The following EYA3 variants were observed in gnomAD, a reference collection of about 807,000 sequenced individuals.
The protein encoded by EYA3 is protein phosphatase EYA3.
Under a neutral mutation model 80.0 loss-of-function variants are expected in EYA3, and 39 were observed. That is an observed-to-expected ratio of 0.49 (90% confidence interval 0.38 to 0.64). The LOEUF is 0.64. Ranked by LOEUF, EYA3 falls within the 30% of genes least tolerant of loss-of-function variation. The pLI is 0.00. For missense variants in EYA3, 523 were observed against 676.1 expected (o/e 0.77, Z 2.51); for synonymous variants, 206 against 232.8 (o/e 0.88, Z 1.05).
At chr1:27,979,482 T>C (rs1639163632) in intron 16 of EYA3, among the ~76,000 whole-genome samples, 1 of 152,198 alleles carries the variant, frequency 6.6e-6, no homozygotes, top group Non-Finnish European at 1.5e-5. Flanking sequence ...TTAAATCCAT[T>C]TCTCAGAACT....
rs1453918950 is a variant in EYA3, at chr1:27,989,785, C to A, written c.1330G>T (p.Ala444Ser). The change falls in exon 15 of 18, where the codon GCA becomes TCA. Residue 444 changes from alanine (A) to serine (S), a missense_variant. By Grantham distance (99) the Ala-to-Ser change is moderately conservative (BLOSUM62 1). Coordinates refer to ENST00000373871, the MANE Select transcript of EYA3 (RefSeq NM_001990.4). ...ATTTCTGCTCTTAATCTCTGCAGTG[C>A]TTCCTTCCTCTGGGGACTGAGGAGA... is the stretch of plus-strand genomic sequence containing the variant. ...GGLLSPQRKE[A>S]LQRLRAEIEV... 2 of 1,610,588 alleles carry A rather than the reference C, an allele frequency of 1.2e-6. No individual in the cohort carries two copies. Among genetic ancestry groups the A allele is most frequent in the Non-Finnish European group, 1.7e-6 (2 of 1,177,996 alleles).
intron 8 of EYA3, among the ~76,000 whole-genome samples, chr1:28,016,532 T>TAA (rs11318124): frequency 1.8e-5 from 2 of 113,918 alleles, no homozygotes; most frequent in African/African-American, 3.4e-5. Flanking sequence ...GACTCCATCT[T>TAA]AAAAAAAAAA....
intron 1 of EYA3, among the ~76,000 whole-genome samples, chr1:28,062,673 T>C (rs1179386924): frequency 6.6e-6 from 1 of 151,482 alleles, no homozygotes; most frequent in Admixed American, 6.6e-5. Flanking sequence ...TGTGTGTGTG[T>C]GTGTGTGTGT....
intron 2 of EYA3, among the ~76,000 whole-genome samples, chr1:28,049,578 G>A (rs540214609): frequency 6.6e-6 from 1 of 152,126 alleles, no homozygotes; most frequent in Non-Finnish European, 1.5e-5. Context: ...ACTTCTATAT[G>A]ATAAAAGACA....
chr1:27,982,056 G>C (rs1639340950), intron 16 of EYA3, among the ~76,000 whole-genome samples: 1 of 149,508 alleles, frequency 6.7e-6, no homozygotes, highest in African/African-American at 2.5e-5. Flanking sequence ...GCCCAGACTG[G>C]AGTGCAGTGG....
chr1:28,086,216 G>A (rs1374591724), intron 1 of EYA3, among the ~76,000 whole-genome samples: 1 of 147,314 alleles, frequency 6.8e-6, no homozygotes, highest in African/African-American at 2.5e-5. Context: ...TGTTTAAGTT[G>A]TAATTTCTTT....
chr1:28,018,712 C>A (rs1390779425), intron 7 of EYA3, among the ~76,000 whole-genome samples: 1 of 152,212 alleles, frequency 6.6e-6, no homozygotes, highest in East Asian at 1.9e-4. Flanking sequence ...ATTGCTGCAA[C>A]CCCAGCTTTA....
At chr1:28,027,671 T>C in intron 7 of EYA3, 118 bp downstream of exon 7, 2 of 1,314,874 alleles carry the variant, frequency 1.5e-6, no homozygotes. Context: ...ACCCCCTTTC[T>C]ACTTTAGAAG....
Position 28,039,721 on chromosome 1 carries a change from G to A in EYA3, c.158-816C>T, listed in dbSNP as rs527650282. Among the ~76,000 whole-genome samples the A allele has an allele frequency of 7.2e-5, 11 of 152,310 alleles. No homozygotes were observed. In the South Asian group the frequency reaches 2.3e-3, roughly 32 times the overall value. ...AAGAGAACCTTGATCAAAAGTAGAT[G>A]AGGGGCCAACTCAAATGCTCAAGAG... On this transcript the variant is annotated intron_variant, in intron 4 of 17. Coordinates refer to ENST00000373871, the MANE Select transcript of EYA3 (RefSeq NM_001990.4).
chr1:28,026,433 T>C (rs1642790732), intron 7 of EYA3, among the ~76,000 whole-genome samples: 1 of 151,996 alleles, frequency 6.6e-6, no homozygotes, highest in Non-Finnish European at 1.5e-5. Flanking sequence ...CTGGGCAATA[T>C]AGTGAGATCC....
At chr1:28,017,321 G>A in intron 7 of EYA3, 82 bp from the exon 8 acceptor site, 1 of 1,043,374 alleles carries the variant, frequency 9.6e-7, no homozygotes, top group East Asian at 2.5e-5. Context: ...TGTTTTAAGT[G>A]AACAGATTTA....
chr1:28,057,155 T>C (rs926407149), intron 2 of EYA3, among the ~76,000 whole-genome samples: 2 of 152,164 alleles, frequency 1.3e-5, no homozygotes, highest in African/African-American at 4.8e-5. Context: ...ATATTTAAAA[T>C]ATATTAAAGG....
intron 3 of EYA3, 42 bp downstream of exon 3, chr1:28,048,341 A>C: frequency 1.3e-6 from 2 of 1,494,014 alleles, no homozygotes; most frequent in Non-Finnish European, 1.8e-6. Flanking sequence ...AAAAAACAAA[A>C]CTTATGAGTA....
chr1:28,047,370 T>A (rs1644051163), intron 3 of EYA3, among the ~76,000 whole-genome samples: 2 of 152,092 alleles, frequency 1.3e-5, no homozygotes, highest in African/African-American at 4.8e-5. Context: ...AAAGTTCTTT[T>A]TAAGGGGTGA....
At chr1:28,061,488 ATAAC>A (rs1644622076) in intron 1 of EYA3, among the ~76,000 whole-genome samples, 1 of 152,224 alleles carries the variant, frequency 6.6e-6, no homozygotes, top group South Asian at 2.1e-4. Flanking sequence ...AAAATACAGT[ATAAC>A]TAAGACACAA....
intron 1 of EYA3, among the ~76,000 whole-genome samples, chr1:28,073,116 TATATATATATA>T (rs1176449918): frequency 2.0e-5 from 1 of 50,336 alleles, no homozygotes; most frequent in Non-Finnish European, 3.8e-5. Flanking sequence ...TATATATATA[TATATATATATA>T]TTTTTTTTTT....
chr1:28,001,523 T>C (rs1251395666), intron 11 of EYA3, among the ~76,000 whole-genome samples: 1 of 144,008 alleles, frequency 6.9e-6, no homozygotes. Context: ...CCAAGGCAGG[T>C]GGATCATGAG....
intron 1 of EYA3, among the ~76,000 whole-genome samples, chr1:28,079,680 T>G (rs555631104): frequency 6.6e-6 from 1 of 152,278 alleles, no homozygotes; most frequent in Admixed American, 6.5e-5. Context: ...GTAATGGTAA[T>G]CAGGGCAACA....
chr1:27,989,115 T>A (rs980016332), intron 15 of EYA3, among the ~76,000 whole-genome samples: 6 of 152,264 alleles, frequency 3.9e-5, no homozygotes, highest in Non-Finnish European at 7.3e-5. Context: ...ACATTAATTT[T>A]ATATGTCCTT....
Sources: allele counts gnomAD v4.1 joint callset (sites outside exome capture counted in the v4.1 genomes callset), GRCh38; gene constraint gnomAD v4.1.1; transcripts MANE v1.5; gene names NCBI Gene and HGNC (gene_info 2026-07-23, HGNC 2026-07-21).